Variants in CRIM1 observed in about 807,000 individuals in gnomAD.
The protein encoded by CRIM1 is cysteine-rich motor neuron 1 protein.
CRIM1 carries 32 observed loss-of-function variants against 116.4 expected under a neutral mutation model. The ratio of observed to expected loss-of-function variants is 0.27; its 90% CI spans 0.21 to 0.37. The LOEUF is 0.37. CRIM1 is among the 10% of genes least tolerant of loss of function. The pLI, the probability that CRIM1 is intolerant of heterozygous loss-of-function variation, is 1.00. For missense variants in CRIM1, 1,331 were observed against 1,354.8 expected (o/e 0.98, Z 0.28); for synonymous variants, 590 against 509.2 (o/e 1.16, Z -2.13).
chr2:36,512,473 G>T, intron 10 of CRIM1, 79 bp downstream of exon 10: 5 of 1,489,206 alleles, frequency 3.4e-6, no homozygotes, highest in Non-Finnish European at 3.7e-6. Flanking sequence ...ACCCTGTAAT[G>T]AAATGGTTTC....
chr2:36,387,989 G>A (rs1671298389), intron 1 of CRIM1, among the ~76,000 whole-genome samples: 1 of 149,112 alleles, frequency 6.7e-6, no homozygotes, highest in Admixed American at 6.7e-5. Context: ...TATGCCCTGT[G>A]AAATTTCCCT....
rs191769969 is a variant in CRIM1 at position 36,403,854 on chromosome 2, T to C, written c.505+7067T>C. Among the ~76,000 whole-genome samples, 478 of 152,118 alleles carry C rather than the reference T, an allele frequency of 3.1e-3. 6 individuals carry two copies. Among genetic ancestry groups the C allele is most frequent in the South Asian group, 3.9e-3 (19 of 4,818 alleles). On this transcript the variant is annotated intron_variant, in intron 2 of 16. Coordinates refer to ENST00000280527, the MANE Select transcript of CRIM1 (RefSeq NM_016441.3). ...TTATGTTTGAGGTATCTATGGAGAA[T>C]CAAGGGGAGGATGAGAGTTACAGGT...
chr2:36,527,887 T>G (rs955962477), intron 13 of CRIM1, among the ~76,000 whole-genome samples: 11 of 152,136 alleles, frequency 7.2e-5, no homozygotes, highest in African/African-American at 2.7e-4. Context: ...TAAAAGCTTC[T>G]GCACATTGGA....
chr2:36,535,187 G>A (rs1666454735), intron 13 of CRIM1, among the ~76,000 whole-genome samples: 1 of 139,772 alleles, frequency 7.2e-6, no homozygotes, highest in Non-Finnish European at 1.6e-5. Context: ...GAGGGAGGGA[G>A]GGTAAAAAGG....
At chr2:36,373,600 T>C (rs756041736) in intron 1 of CRIM1, among the ~76,000 whole-genome samples, 2 of 152,152 alleles carry the variant, frequency 1.3e-5, no homozygotes, top group South Asian at 2.1e-4. Context: ...TTTTGAGAGG[T>C]AGAAATGAAG....
At chr2:36,431,861 A>T (rs547911899) in intron 2 of CRIM1, among the ~76,000 whole-genome samples, 2 of 152,194 alleles carry the variant, frequency 1.3e-5, no homozygotes, top group South Asian at 2.1e-4. Context: ...AAAATCTGAC[A>T]TTTTATTATG....
intron 2 of CRIM1, among the ~76,000 whole-genome samples, chr2:36,433,915 G>A (rs1273709358): frequency 2.0e-5 from 3 of 151,800 alleles, no homozygotes; most frequent in South Asian, 2.1e-4. Context: ...TCCTAAATTC[G>A]GAGTCTTAAG....
chr2:36,413,089 G>A (rs562468339), intron 2 of CRIM1, among the ~76,000 whole-genome samples: 5 of 152,296 alleles, frequency 3.3e-5, no homozygotes, highest in African/African-American at 1.2e-4. Context: ...AGGGACTCAG[G>A]CTGTCAGGAA....
chr2:36,442,657 A>G lies in CRIM1; in HGVS notation c.791A>G (p.Gln264Arg). The change falls in exon 4 of 17, where the codon CAG (glutamine) becomes CGG (arginine). Residue 264 changes from glutamine to arginine, a missense_variant. Physicochemically the swap from Gln to Arg is conservative, Grantham distance 43. Transcript: ENST00000280527. ...DCRTVECPPV[Q>R]QTACPPDSYE... The stretch of plus-strand genomic sequence containing the variant: ...AGGACTGTGGAATGCCCTCCTGTTC[A>G]GCAGACCGCGTGTCCCCCGGACAGC... The G allele has an allele frequency of 1.9e-6, 3 of 1,614,164 alleles. No homozygotes were observed. The highest frequency in any genetic ancestry group is 2.5e-6 in the Non-Finnish European group (3 of 1,180,010).
At chr2:36,381,506 G>A (rs1053572962) in intron 1 of CRIM1, among the ~76,000 whole-genome samples, 4 of 152,228 alleles carry the variant, frequency 2.6e-5, no homozygotes, top group African/African-American at 9.6e-5. Context: ...GAATGCAGAA[G>A]CAATTGTAGT....
intron 2 of CRIM1, among the ~76,000 whole-genome samples, chr2:36,405,780 G>A (rs1411002077): frequency 6.6e-6 from 1 of 151,944 alleles, no homozygotes; most frequent in Non-Finnish European, 1.5e-5. Context: ...ACATTGCTTT[G>A]CTTCAAATGT....
At position 36,408,495 on chromosome 2, in the gene CRIM1, A is replaced by T. The variant is rs3770915; in HGVS notation, c.505+11708A>T. ...AAAGGATCTGGAATCCCAGCCCGGG[A>T]GGCCTTCTGAGCTGCTGGCAAAGGA... On this transcript the variant is annotated intron_variant, in intron 2 of 16. Coordinates refer to ENST00000280527, the MANE Select transcript of CRIM1 (RefSeq NM_016441.3). 7.9e-3 allele frequency among the ~76,000 whole-genome samples: 1,197 copies of T among 152,240 alleles called. 48 individuals are homozygous for T. In the East Asian group the frequency reaches 0.088, roughly 11 times the overall value.
Position 36,356,602 on chromosome 2 carries a change from T to G in CRIM1, c.310T>G (p.Tyr104Asp). The G allele has an allele frequency of 6.2e-7, 1 of 1,609,678 alleles. No individual in the cohort carries two copies. Among genetic ancestry groups the G allele is most frequent in the Non-Finnish European group, 8.5e-7 (1 of 1,178,934 alleles). The change falls in exon 1 of 17, where the codon TAC becomes GAC. Residue 104 changes from tyrosine to aspartate, a missense_variant. Tyr to Asp is a radical substitution (Grantham distance 160, BLOSUM62 -3). Transcript: ENST00000280527. This position sits in a 1 kb window ranked among gnomAD's most constrained non-coding sequence, Gnocchi z 4.3. The part of the protein sequence containing the change: ...PPLNGDSLTE[Y>D]EAGVCEDENW... ...GCTCAATGGCGACTCCCTCACCGAG[T>G]ACGAAGCGGGCGTTTGCGAAGGTAC...
At chr2:36,383,466 A>G (rs1022751530) in intron 1 of CRIM1, among the ~76,000 whole-genome samples, 2 of 152,262 alleles carry the variant, frequency 1.3e-5, no homozygotes, top group Non-Finnish European at 2.9e-5. Context: ...ATACCTACAG[A>G]ACATTTTTAA....
At chr2:36,489,741 T>C (rs1234604234) in intron 7 of CRIM1, among the ~76,000 whole-genome samples, 1 of 152,214 alleles carries the variant, frequency 6.6e-6, no homozygotes, top group Non-Finnish European at 1.5e-5. Context: ...TAAAAAGTAG[T>C]ATAAATGATT....
At chr2:36,444,046 A>T (rs1358543419) in intron 4 of CRIM1, among the ~76,000 whole-genome samples, 1 of 152,254 alleles carries the variant, frequency 6.6e-6, no homozygotes, top group Non-Finnish European at 1.5e-5. Context: ...TAAATGGAGC[A>T]TCGCTAACAG....
rs185830172 is a variant in CRIM1, at chr2:36,429,625, A to G, written c.506-11633A>G. ...GAAAGCAGCTGTTTTTAGGGGGAGG[A>G]GAGAAGATGGTGGAGCTTACAAGAG... On this transcript the variant is annotated intron_variant, in intron 2 of 16. Coordinates refer to ENST00000280527, the MANE Select transcript of CRIM1 (RefSeq NM_016441.3). Among the ~76,000 whole-genome samples the G allele has an allele frequency of 1.7e-3, 256 of 152,276 alleles. 1 individual carries two copies. The highest frequency in any genetic ancestry group is 5.8e-3 in the African/African-American group (240 of 41,542).
intron 1 of CRIM1, among the ~76,000 whole-genome samples, chr2:36,388,344 A>G (rs1671327009): frequency 6.6e-6 from 1 of 150,944 alleles, no homozygotes; most frequent in Non-Finnish European, 1.5e-5. Context: ...TTTGTTTTCA[A>G]AACAAAGTCT....
At chr2:36,396,963 C>T (rs976643475) in intron 2 of CRIM1, among the ~76,000 whole-genome samples, 176 bp downstream of exon 2, 3 of 152,108 alleles carry the variant, frequency 2.0e-5, no homozygotes, top group African/African-American at 4.8e-5. Flanking sequence ...GGTGTGTTTC[C>T]GAGACGCTAT....
Sources: allele counts gnomAD v4.1 joint callset (sites outside exome capture counted in the v4.1 genomes callset), GRCh38; gene constraint gnomAD v4.1.1; non-coding constraint Gnocchi (gnomAD v3.1); transcripts MANE v1.5; gene names NCBI Gene and HGNC (gene_info 2026-07-23, HGNC 2026-07-21).